The following IDI1 variants were observed in gnomAD, a reference collection of about 807,000 sequenced individuals.
The protein encoded by IDI1 is isopentenyl-diphosphate Delta-isomerase 1.
In IDI1, 23 loss-of-function variants were observed where a neutral mutation model predicts 32.9. The ratio of observed to expected loss-of-function variants is 0.70; its 90% CI spans 0.50 to 0.99. The LOEUF (loss-of-function observed/expected upper bound fraction) is 0.99. Among genes scored for constraint, IDI1 ranks in the 50% least tolerant of loss-of-function variants. IDI1 has a pLI of 0.00. For missense variants in IDI1, 326 were observed against 351.9 expected, an observed-to-expected ratio of 0.93 and a Z score of 0.59; for synonymous variants, 133 against 128.2, an observed-to-expected ratio of 1.04 and a Z score of -0.25.
upstream of IDI1, among the ~76,000 whole-genome samples, chr10:1,053,324 G>A (rs866966699): frequency 6.6e-6 from 1 of 152,130 alleles, no homozygotes; most frequent in African/African-American, 2.4e-5. Context: ...TTGTATTATA[G>A]AGACAGCTTC....
chr10:1,044,526 A>C (rs1329225538), intron 1 of IDI1, among the ~76,000 whole-genome samples: 1 of 152,142 alleles, frequency 6.6e-6, no homozygotes, highest in Admixed American at 6.5e-5. Context: ...CTGCTTTTCT[A>C]CACCAGCTTC....
Position 1,041,344 on chromosome 10 carries a change from T to A in IDI1, c.698A>T (p.Lys233Met). The change falls in exon 5 of 5, where the codon AAG (lysine) becomes ATG (methionine). Residue 233 changes from lysine to methionine, a missense_variant. By Grantham distance (95) the Lys-to-Met change is moderately conservative (BLOSUM62 -1). Coordinates refer to ENST00000381344, the MANE Select transcript of IDI1 (RefSeq NM_004508.4). Reference protein sequence around the residue: ...NEIKSYCYVSKEELKELLKKA... With the variant: ...NEIKSYCYVSMEELKELLKKA... The stretch of plus-strand genomic sequence containing the variant: ...TTTCAGAAGTTCTTTTAGTTCTTCC[T>A]TTGACACATAACAATAGCTTTTAAT... The A allele has an allele frequency of 6.2e-7, 1 of 1,613,840 alleles. No individual in the cohort carries two copies. The highest frequency in any genetic ancestry group is 8.5e-7 in the Non-Finnish European group (1 of 1,179,784).
chr10:1,052,917 A>G (rs751918301), upstream of IDI1, among the ~76,000 whole-genome samples: 5 of 151,854 alleles, frequency 3.3e-5, no homozygotes, highest in South Asian at 4.2e-4. Flanking sequence ...GGTTGTTTCA[A>G]CTCCAATGAA....
upstream of IDI1, chr10:1,049,481 C>T (rs975934345): frequency 6.2e-6 from 1 of 160,252 alleles, no homozygotes; most frequent in Non-Finnish European, 1.3e-5. Context: ...CTCCCCCCCC[C>T]CGAGTTCCGC....
intron 2 of IDI1, 200 bp from the exon 3 acceptor site, chr10:1,043,593 G>A (rs1330478046): frequency 2.9e-6 from 2 of 684,406 alleles, no homozygotes; most frequent in Non-Finnish European, 5.4e-6. Context: ...TCGAGTGAAG[G>A]AAATGGTGAT....
the IDI1 span, among the ~76,000 whole-genome samples, chr10:1,055,943 G>A: frequency 6.6e-5 from 10 of 152,112 alleles, no homozygotes; most frequent in Admixed American, 1.3e-4. Flanking sequence ...CGAGTAGCAG[G>A]GGTTACAGGC....
At chr10:1,043,608 G>A (rs1832690960) in intron 2 of IDI1, 1 of 675,264 alleles carries the variant, frequency 1.5e-6, no homozygotes, top group Non-Finnish European at 2.7e-6. Flanking sequence ...GGTGATGCTG[G>A]TGGCCCCTTT....
At chr10:1,048,243 A>G (rs1832859480) in intron 1 of IDI1, 6 of 1,303,176 alleles carry the variant, frequency 4.6e-6, no homozygotes, top group Non-Finnish European at 6.1e-6. Context: ...GAATACGTCT[A>G]TTTATGCGTT....
chr10:1,041,353 T>C lies in IDI1; in HGVS notation c.689A>G (p.Tyr230Cys), dbSNP rs770879533. Residue 230 changes from tyrosine (Y) to cysteine (C), a missense_variant, in exon 5 of 5, where the codon TAT becomes TGT. Physicochemically the swap from Tyr to Cys is radical, Grantham distance 194. Coordinates refer to ENST00000381344, the MANE Select transcript of IDI1 (RefSeq NM_004508.4). ...TTCTTTTAGTTCTTCCTTTGACACA[T>C]AACAATAGCTTTTAATCTCATTGGG... Reference protein sequence around the residue: ...PDPNEIKSYCYVSKEELKELL... With the variant: ...PDPNEIKSYCCVSKEELKELL... 2 of 1,613,800 alleles carry C rather than the reference T, an allele frequency of 1.2e-6. No individual in the cohort carries two copies. Among genetic ancestry groups the C allele is most frequent in the Non-Finnish European group, 1.7e-6 (2 of 1,179,764 alleles).
At chr10:1,056,068 A>G in the IDI1 span, among the ~76,000 whole-genome samples, 1 of 152,076 alleles carries the variant, frequency 6.6e-6, no homozygotes, top group African/African-American at 2.4e-5. Context: ...CGGCCTCCCA[A>G]AGTGTTGGGA....
chr10:1,049,835 G>C (rs188342184), upstream of IDI1, among the ~76,000 whole-genome samples: 14 of 152,198 alleles, frequency 9.2e-5, no homozygotes, highest in East Asian at 2.7e-3. Flanking sequence ...CGTATTTTTA[G>C]TAGAGACGGG....
At chr10:1,044,320 C>G in intron 1 of IDI1, 149 bp from the exon 2 acceptor site, 1 of 596,748 alleles carries the variant, frequency 1.7e-6, no homozygotes, top group Non-Finnish European at 2.9e-6. Flanking sequence ...CAGCCGGCTG[C>G]TCAGCACTAT....
upstream of IDI1, among the ~76,000 whole-genome samples, chr10:1,049,930 G>A (rs1335892414): frequency 6.6e-6 from 1 of 152,140 alleles, no homozygotes; most frequent in Non-Finnish European, 1.5e-5. Context: ...TGAGATTCCG[G>A]GTGTGAGCCA....
rs954481576 is a variant in IDI1 at position 1,039,553 on chromosome 10, A to G, written c.*1634T>C. On this transcript the variant is annotated 3_prime_UTR_variant, in exon 5 of 5. Transcript: ENST00000381344. Reference sequence around the variant, plus strand: ...TCTGCCTTTGGGGTCAGAAGCAGCTATATCTAGGAGAGGGATACTCCTCTT... The same window carrying G: ...TCTGCCTTTGGGGTCAGAAGCAGCTGTATCTAGGAGAGGGATACTCCTCTT... 1 of 152,248 alleles carries G rather than the reference A, an allele frequency of 6.6e-6. No homozygotes were observed. Among genetic ancestry groups the G allele is most frequent in the South Asian group, 2.1e-4 (1 of 4,838 alleles). 9.4% of individuals were successfully genotyped at this position (152,248 alleles called of 1,614,324 possible).
At chr10:1,043,825 G>T (rs1168864551) in intron 2 of IDI1, 174 bp downstream of exon 2, 2 of 668,100 alleles carry the variant, frequency 3.0e-6, no homozygotes, top group South Asian at 1.6e-5. Context: ...AGAAATCGCT[G>T]TAACAGGAAG....
chr10:1,041,306 C>G lies in IDI1; in HGVS notation c.736G>C (p.Gly246Arg). The G allele has an allele frequency of 6.2e-7, 1 of 1,613,546 alleles. No individual in the cohort carries two copies. The highest frequency in any genetic ancestry group is 8.5e-7 in the Non-Finnish European group (1 of 1,179,602). ...AACCATGGCGTTATCTTAATTTCAC[C>G]ACTGGCTGCTTTTTTCAGAAGTTCT... ...LKELLKKAAS[G>R]EIKITPWFKI... The change falls in exon 5 of 5, where the codon GGT (glycine) becomes CGT (arginine). Residue 246 changes from glycine (G) to arginine (R), a missense_variant. Gly to Arg is a moderately radical substitution (Grantham distance 125, BLOSUM62 -2). Coordinates refer to ENST00000381344, the MANE Select transcript of IDI1 (RefSeq NM_004508.4).
intron 1 of IDI1, chr10:1,048,643 C>A: frequency 7.1e-7 from 1 of 1,410,396 alleles, no homozygotes; most frequent in Non-Finnish European, 9.2e-7. Flanking sequence ...CGCCCCGACT[C>A]ACGCCTCCGC....
At chr10:1,044,603 G>T (rs1201059839) in intron 1 of IDI1, among the ~76,000 whole-genome samples, 1 of 152,152 alleles carries the variant, frequency 6.6e-6, no homozygotes, top group Non-Finnish European at 1.5e-5. Context: ...TCTCTGCATA[G>T]TTGCTCAAGA....
At chr10:1,048,798 C>G in intron 1 of IDI1, 66 bp downstream of exon 1, 1 of 1,564,516 alleles carries the variant, frequency 6.4e-7, no homozygotes, top group East Asian at 2.4e-5. Context: ...CCTCCCCGCC[C>G]CGTCCCGCAG....
Sources: allele counts gnomAD v4.1 joint callset (sites outside exome capture counted in the v4.1 genomes callset), GRCh38; gene constraint gnomAD v4.1.1; transcripts MANE v1.5; gene names NCBI Gene and HGNC (gene_info 2026-07-23, HGNC 2026-07-21).